PLXDC2: variants seen among roughly 807,000 people sequenced by gnomAD.
PLXDC2 encodes plexin domain containing 2, also known as plexin domain-containing protein 2.
In PLXDC2, 40 loss-of-function variants were observed where a neutral mutation model predicts 68.9. The ratio of observed to expected loss-of-function variants is 0.58; its 90% CI spans 0.45 to 0.76. PLXDC2 has a LOEUF of 0.76. Among genes scored for constraint, PLXDC2 ranks in the 30% least tolerant of loss-of-function variants. The pLI is 0.00. For synonymous variants in PLXDC2, 243 were observed against 234.2 expected, an observed-to-expected ratio of 1.04 and a Z score of -0.34; for missense variants, 644 against 661.9, an observed-to-expected ratio of 0.97 and a Z score of 0.30.
intron 1 of PLXDC2, among the ~76,000 whole-genome samples, chr10:19,929,265 T>C (rs1385150891): frequency 6.6e-6 from 1 of 151,898 alleles, no homozygotes; most frequent in Non-Finnish European, 1.5e-5. Context: ...ACCCACTCTC[T>C]AGAGGGTAGC....
intron 4 of PLXDC2, among the ~76,000 whole-genome samples, chr10:20,116,646 T>C (rs1833626865): frequency 6.6e-6 from 1 of 152,216 alleles, no homozygotes; most frequent in Non-Finnish European, 1.5e-5. Context: ...TACAGATTGG[T>C]GGCTTGAAAG....
At chr10:19,856,713 T>G (rs900451033) in intron 1 of PLXDC2, among the ~76,000 whole-genome samples, 3 of 152,168 alleles carry the variant, frequency 2.0e-5, no homozygotes, top group Non-Finnish European at 4.4e-5. Flanking sequence ...ATAAACTGTT[T>G]CCAGACATGA....
chr10:20,222,828 A>T (rs909451613), intron 12 of PLXDC2, among the ~76,000 whole-genome samples: 3 of 152,176 alleles, frequency 2.0e-5, no homozygotes, highest in Non-Finnish European at 4.4e-5. Context: ...TCCTTAAAAA[A>T]AAATTAAATA....
intron 1 of PLXDC2, among the ~76,000 whole-genome samples, chr10:19,894,634 A>G (rs1367454630): frequency 1.3e-5 from 2 of 152,162 alleles, no homozygotes; most frequent in Admixed American, 6.6e-5. Flanking sequence ...TTACATCAGC[A>G]CTATCAGGTT....
chr10:19,996,444 G>C (rs1483552136), intron 1 of PLXDC2, among the ~76,000 whole-genome samples: 2 of 152,144 alleles, frequency 1.3e-5, no homozygotes, highest in Non-Finnish European at 2.9e-5. Context: ...AAATTAGCTG[G>C]GCATGGTGGT....
intron 12 of PLXDC2, among the ~76,000 whole-genome samples, chr10:20,221,661 G>A (rs1228005686): frequency 2.0e-5 from 3 of 152,126 alleles, no homozygotes; most frequent in African/African-American, 7.2e-5. Flanking sequence ...TGGAGATGCA[G>A]GAAGGATTAC....
intron 3 of PLXDC2, among the ~76,000 whole-genome samples, chr10:20,060,316 C>T (rs1836078160): frequency 6.6e-6 from 1 of 152,074 alleles, no homozygotes; most frequent in Admixed American, 6.6e-5. Flanking sequence ...GCCACCACAC[C>T]CGGCCTATAT....
chr10:20,185,403 C>T (rs969194047), intron 9 of PLXDC2, among the ~76,000 whole-genome samples: 1 of 151,846 alleles, frequency 6.6e-6, no homozygotes, highest in Non-Finnish European at 1.5e-5. Flanking sequence ...CAGAGCCTAG[C>T]CTTCCAACAA....
At chr10:19,829,048 T>A (rs1465716985) in intron 1 of PLXDC2, among the ~76,000 whole-genome samples, 1 of 152,110 alleles carries the variant, frequency 6.6e-6, no homozygotes, top group African/African-American at 2.4e-5. Flanking sequence ...TTTGACCTCT[T>A]CAGGTTCAAG....
chr10:20,237,233 A>G (rs983091191), intron 12 of PLXDC2, among the ~76,000 whole-genome samples: 2 of 152,194 alleles, frequency 1.3e-5, no homozygotes, highest in Non-Finnish European at 2.9e-5. Context: ...GTGTCTTAAC[A>G]TGAATTGTGA....
At chr10:20,132,401 G>C (rs750634903) in intron 4 of PLXDC2, among the ~76,000 whole-genome samples, 2 of 152,064 alleles carry the variant, frequency 1.3e-5, no homozygotes, top group African/African-American at 4.8e-5. Flanking sequence ...TATACTTATG[G>C]ATTGTTTTTG....
At chr10:20,162,690 A>G (rs1179962711) in intron 6 of PLXDC2, among the ~76,000 whole-genome samples, 1 of 152,106 alleles carries the variant, frequency 6.6e-6, no homozygotes, top group Non-Finnish European at 1.5e-5. Context: ...CATGGGGTAT[A>G]AGACTGGGAA....
intron 6 of PLXDC2, among the ~76,000 whole-genome samples, chr10:20,162,909 C>CAAAAAAAAA (rs71390763): frequency 1.2e-3 from 116 of 97,380 alleles, no homozygotes; most frequent in East Asian, 1.4e-3. Flanking sequence ...ACTAAAAATA[C>CAAAAAAAAA]AAAAAAAAAA....
chr10:20,047,493 G>A (rs1019098398), intron 3 of PLXDC2, among the ~76,000 whole-genome samples: 24 of 151,980 alleles, frequency 1.6e-4, no homozygotes, highest in African/African-American at 2.4e-4. Flanking sequence ...AAATGAAGAC[G>A]TTTAATATAA....
intron 3 of PLXDC2, among the ~76,000 whole-genome samples, chr10:20,054,653 T>A (rs569709626): frequency 6.6e-6 from 1 of 151,800 alleles, no homozygotes; most frequent in African/African-American, 2.4e-5. Flanking sequence ...AATTGAACAA[T>A]GAGAACACAT....
intron 2 of PLXDC2, among the ~76,000 whole-genome samples, chr10:20,022,815 G>A (rs962830478): frequency 6.6e-6 from 1 of 152,062 alleles, no homozygotes; most frequent in South Asian, 2.1e-4. Flanking sequence ...AGGGAGTTGT[G>A]AATTTGAAGG....
intron 13 of PLXDC2, among the ~76,000 whole-genome samples, chr10:20,259,044 A>G (rs1835779037): frequency 6.6e-6 from 1 of 151,910 alleles, no homozygotes; most frequent in Non-Finnish European, 1.5e-5. Flanking sequence ...AAAGGATGGA[A>G]AACTTCAATC....
intron 1 of PLXDC2, among the ~76,000 whole-genome samples, chr10:19,848,240 T>C (rs1200181155): frequency 1.3e-5 from 2 of 148,710 alleles, no homozygotes; most frequent in Admixed American, 6.6e-5. Flanking sequence ...ACACAAGACG[T>C]ACCTATTTCT....
At chr10:20,253,319 C>T (rs1007924471) in intron 13 of PLXDC2, among the ~76,000 whole-genome samples, 2 of 151,076 alleles carry the variant, frequency 1.3e-5, no homozygotes, top group Non-Finnish European at 2.9e-5. Flanking sequence ...GAGCCAAGAT[C>T]ACGCCACTGC....
Sources: allele counts gnomAD v4.1 joint callset (sites outside exome capture counted in the v4.1 genomes callset), GRCh38; gene constraint gnomAD v4.1.1; transcripts MANE v1.5; gene names NCBI Gene and HGNC (gene_info 2026-07-23, HGNC 2026-07-21).